The following TEX14 variants were observed in gnomAD, a reference collection of about 807,000 sequenced individuals.
TEX14 encodes inactive serine/threonine-protein kinase TEX14.
In TEX14, 168 loss-of-function variants were observed where a neutral mutation model predicts 178.6. The ratio of observed to expected loss-of-function variants is 0.94; its 90% CI spans 0.83 to 1.07. TEX14 has a LOEUF of 1.07. Among genes scored for constraint, TEX14 ranks in the 50% least tolerant of loss-of-function variants. The pLI, the probability that TEX14 is intolerant of heterozygous loss-of-function variation, is 0.00. For synonymous variants in TEX14, 626 were observed against 634.1 expected (o/e 0.99, Z 0.19); for missense variants, 1,730 against 1,753.6 (o/e 0.99, Z 0.24).
At chr17:58,633,968 GAA>G (rs34378655) in intron 2 of TEX14, among the ~76,000 whole-genome samples, 79 of 112,488 alleles carry the variant, frequency 7.0e-4, no homozygotes, top group Middle Eastern at 4.6e-3. Context: ...CTCTGTCTCC[GAA>G]AAAAAAAAAA....
intron 15 of TEX14, among the ~76,000 whole-genome samples, chr17:58,591,250 G>A (rs1286090659): frequency 6.6e-6 from 1 of 152,182 alleles, no homozygotes; most frequent in South Asian, 2.1e-4. Flanking sequence ...GGGCGCGGTG[G>A]CTCACGCCTG....
chr17:58,594,782 A>G (rs766337323), intron 14 of TEX14, among the ~76,000 whole-genome samples: 31 of 152,210 alleles, frequency 2.0e-4, no homozygotes, highest in Non-Finnish European at 4.1e-4. Flanking sequence ...AATACTTAGG[A>G]AACAGCAAAA....
At chr17:58,661,721 G>A (rs2143374936) in intron 1 of TEX14, 1 of 575,062 alleles carries the variant, frequency 1.7e-6, no homozygotes, top group Non-Finnish European at 3.1e-6. Flanking sequence ...TCAGGGAGGC[G>A]GTGGCGTTGG....
At chr17:58,688,699 A>G (rs1463239579) in intron 1 of TEX14, among the ~76,000 whole-genome samples, 5 of 152,098 alleles carry the variant, frequency 3.3e-5, no homozygotes, top group African/African-American at 1.2e-4. Context: ...TGTGATACAA[A>G]TCCAAATCTG....
intron 13 of TEX14, 145 bp downstream of exon 13, chr17:58,601,661 T>G (rs1321881385): frequency 1.4e-6 from 1 of 720,514 alleles, no homozygotes; most frequent in Non-Finnish European, 2.3e-6. Context: ...GCCACTGTAC[T>G]CCAGTCTGGG....
chr17:58,628,107 C>G (rs1296362128), intron 3 of TEX14, among the ~76,000 whole-genome samples: 1 of 151,872 alleles, frequency 6.6e-6, no homozygotes, highest in Non-Finnish European at 1.5e-5. Context: ...GCCAGTAGAG[C>G]GTGTGTGAGT....
intron 11 of TEX14, among the ~76,000 whole-genome samples, chr17:58,603,375 G>A (rs1230668306): frequency 6.6e-6 from 1 of 151,378 alleles, no homozygotes; most frequent in African/African-American, 2.4e-5. Flanking sequence ...CCAACACAGT[G>A]AAATCCCATC....
intron 5 of TEX14, among the ~76,000 whole-genome samples, 189 bp from the exon 6 acceptor site, chr17:58,617,808 C>T (rs2045907426): frequency 6.6e-6 from 1 of 152,216 alleles, no homozygotes; most frequent in African/African-American, 2.4e-5. Context: ...TACCGGTATG[C>T]ATAACCTTGT....
At chr17:58,557,233 T>C (rs2044154866) in intron 31 of TEX14, among the ~76,000 whole-genome samples, 186 bp from the exon 32 acceptor site, 1 of 152,084 alleles carries the variant, frequency 6.6e-6, no homozygotes, top group Non-Finnish European at 1.5e-5. Context: ...ACAGAGCAAT[T>C]GACAGCAGCA....
chr17:58,601,821 C>G lies in TEX14; in HGVS notation c.1663G>C (p.Glu555Gln), dbSNP rs771087377. Residue 555 changes from glutamate to glutamine, a missense_variant, in exon 13 of 32, where the codon GAA (glutamate) becomes CAA (glutamine). Around this residue, in one of 2 missense-constraint regions of TEX14, gnomAD observed 941 missense variants for 1,072.4 expected, o/e 0.88. Coordinates refer to ENST00000349033, the MANE Select transcript of TEX14 (RefSeq NM_031272.5). ...AAGGCCATACCCATTTCCTTTAGTT[C>G]TATGATTTCCATGTCAGGTGTCTCT... is the stretch of plus-strand genomic sequence containing the variant. ...PRETPDMEII[E>Q]LKEMGSQPHS... 4.3e-6 allele frequency: 7 copies of G among 1,612,936 alleles called. No individual in the cohort carries two copies. The highest frequency in any genetic ancestry group is 5.9e-6 in the Non-Finnish European group (7 of 1,179,958).
chr17:58,585,994 G>A lies in TEX14; in HGVS notation c.2877C>T (p.Ser959=), dbSNP rs1260482588. The A allele has an allele frequency of 8.7e-6, 14 of 1,613,864 alleles. No individual in the cohort carries two copies. The highest frequency in any genetic ancestry group is 2.7e-5 in the African/African-American group (2 of 74,842). ...GGGCGTCGGGCTCATTTTCAGCCTC[G>A]CTCTCTAAAGTCAGACTACTCTGAG... is the stretch of plus-strand genomic sequence containing the variant. ...WHPQSSLTLE[S]EAENEPDALL... is the part of the protein sequence containing the mutation. Residue 959 remains serine (S), a synonymous_variant, in exon 18 of 32, where the codon AGC becomes AGT. Transcript: ENST00000349033.
intron 2 of TEX14, among the ~76,000 whole-genome samples, chr17:58,639,876 T>C (rs2046533186): frequency 1.3e-5 from 2 of 152,198 alleles, no homozygotes. Flanking sequence ...AGACCCAGCA[T>C]TTAAGAAAAA....
intron 2 of TEX14, among the ~76,000 whole-genome samples, chr17:58,650,503 G>T (rs1007221891): frequency 6.6e-6 from 1 of 152,200 alleles, no homozygotes; most frequent in African/African-American, 2.4e-5. Flanking sequence ...GACCCTAGGG[G>T]TAGTACATGG....
chr17:58,593,681 G>A lies in TEX14; in HGVS notation c.2470-20C>T. ...CGGCAGCTTAAAAAGCAATAAACATGTTTCAGGGCTTTGATGAGAGAATTC... is the reference window on the plus strand; with the variant it reads ...CGGCAGCTTAAAAAGCAATAAACATATTTCAGGGCTTTGATGAGAGAATTC... On this transcript the variant is annotated intron_variant, in intron 14 of 31. Coordinates refer to ENST00000349033, the MANE Select transcript of TEX14 (RefSeq NM_031272.5). The A allele has an allele frequency of 1.3e-6, 2 of 1,589,992 alleles. No homozygotes were observed. The highest frequency in any genetic ancestry group is 1.7e-6 in the Non-Finnish European group (2 of 1,158,158).
chr17:58,670,776 A>C (rs1294580404), intron 1 of TEX14, among the ~76,000 whole-genome samples: 3 of 148,086 alleles, frequency 2.0e-5, no homozygotes, highest in African/African-American at 2.5e-5. Context: ...CCCTCTTAAA[A>C]AAAAAAAAAA....
At chr17:58,568,147 G>A (rs1198095290) in intron 26 of TEX14, among the ~76,000 whole-genome samples, 1 of 152,194 alleles carries the variant, frequency 6.6e-6, no homozygotes, top group Non-Finnish European at 1.5e-5. Flanking sequence ...TGGAAAGCAG[G>A]GGTGGGAGTG....
chr17:58,616,621 C>T (rs1181007200), intron 6 of TEX14, among the ~76,000 whole-genome samples: 2 of 151,884 alleles, frequency 1.3e-5, no homozygotes, highest in Non-Finnish European at 2.9e-5. Context: ...TAGAGACGGG[C>T]TTTTGCCATG....
intron 31 of TEX14, among the ~76,000 whole-genome samples, 156 bp from the exon 32 acceptor site, chr17:58,557,203 C>A (rs1373708697): frequency 6.6e-6 from 1 of 151,962 alleles, no homozygotes; most frequent in Non-Finnish European, 1.5e-5. Flanking sequence ...AACAGTGTGT[C>A]ATGGAAATGC....
intron 3 of TEX14, among the ~76,000 whole-genome samples, chr17:58,627,074 T>G (rs2046162653): frequency 1.3e-5 from 2 of 152,164 alleles, no homozygotes. Flanking sequence ...TCCACTTCCT[T>G]CCTGGCATTG....
Sources: allele counts gnomAD v4.1 joint callset (sites outside exome capture counted in the v4.1 genomes callset), GRCh38; gene constraint gnomAD v4.1.1; regional missense constraint gnomAD v4.1.1; transcripts MANE v1.5; gene names NCBI Gene and HGNC (gene_info 2026-07-23, HGNC 2026-07-21).